AGGF1: variants seen among roughly 807,000 people sequenced by gnomAD.
AGGF1 encodes angiogenic factor with G patch and FHA domains 1.
AGGF1 carries 56 observed loss-of-function variants against 86.5 expected under a neutral mutation model. The ratio of observed to expected loss-of-function variants is 0.65; its 90% confidence interval spans 0.52 to 0.81. The LOEUF is 0.81. AGGF1 is among the 30% of genes least tolerant of loss of function. The pLI, the probability that AGGF1 is intolerant of heterozygous loss-of-function variation, is 0.00. For missense variants in AGGF1, 816 were observed against 850.9 expected (o/e 0.96, Z 0.51); for synonymous variants, 313 against 297.1 (o/e 1.05, Z -0.55).
At chr5:77,053,475 C>T (rs138236763) in intron 9 of AGGF1, among the ~76,000 whole-genome samples, 88 of 152,204 alleles carry the variant, frequency 5.8e-4, no homozygotes, top group African/African-American at 2.0e-3. Context: ...GCCGAGATCA[C>T]GCCATTGCAC....
Position 77,054,081 on chromosome 5 carries a change from A to C in AGGF1, c.1584A>C (p.Pro528=). 6.2e-7 allele frequency: 1 copy of C among 1,614,186 alleles called. No individual in the cohort carries two copies. The highest frequency in any genetic ancestry group is 8.5e-7 in the Non-Finnish European group (1 of 1,180,014). The change falls in exon 10 of 14, where the codon CCA becomes CCC. Residue 528 remains proline (P), a synonymous_variant. Coordinates refer to ENST00000312916, the MANE Select transcript of AGGF1 (RefSeq NM_018046.5). ...GTGATACCTGTGATGGCTGTGAACC[A>C]GGGCAGGTTAGAGCCCACCTTCGCC... ...PGSDTCDGCE[P]GQVRAHLRLD...
chr5:77,037,954 A>G (rs369208589), intron 4 of AGGF1, among the ~76,000 whole-genome samples: 12 of 152,218 alleles, frequency 7.9e-5, no homozygotes, highest in South Asian at 2.1e-4. Flanking sequence ...TTTGATGACA[A>G]TGATAGAACT....
intron 11 of AGGF1, among the ~76,000 whole-genome samples, chr5:77,056,657 G>C (rs1010172066): frequency 6.6e-6 from 1 of 150,770 alleles, no homozygotes; most frequent in South Asian, 2.1e-4. Flanking sequence ...GTGGATCATA[G>C]ATATAAAAGT....
At chr5:77,053,821 A>C (rs553093913) in intron 9 of AGGF1, 144 bp from the exon 10 acceptor site, 37 of 811,382 alleles carry the variant, frequency 4.6e-5, no homozygotes, top group Non-Finnish European at 6.7e-5. Context: ...AAGTGTGTGC[A>C]TGTGTGTATG....
chr5:77,060,752 G>A (rs566888532), intron 12 of AGGF1, among the ~76,000 whole-genome samples: 104 of 152,244 alleles, frequency 6.8e-4, no homozygotes, highest in African/African-American at 2.4e-3. Context: ...TAGAGTTGAT[G>A]GAGTTTGATC....
chr5:77,046,209 G>A (rs1747244210), intron 5 of AGGF1, 138 bp from the exon 6 acceptor site: 2 of 807,228 alleles, frequency 2.5e-6, no homozygotes, highest in African/African-American at 1.7e-5. Context: ...GAGAAGGAGA[G>A]GGGGAACAGA....
At chr5:77,032,713 A>G (rs1580121848) in intron 1 of AGGF1, among the ~76,000 whole-genome samples, 1 of 152,148 alleles carries the variant, frequency 6.6e-6, no homozygotes, top group African/African-American at 2.4e-5. Context: ...TTTTTTGCTA[A>G]TCTTCAGAGA....
At chr5:77,045,736 G>C (rs1747235621) in intron 5 of AGGF1, among the ~76,000 whole-genome samples, 1 of 152,158 alleles carries the variant, frequency 6.6e-6, no homozygotes. Flanking sequence ...AGTTTAAAAA[G>C]AAAATTTAGA....
chr5:77,060,574 T>C (rs918627042), intron 12 of AGGF1, among the ~76,000 whole-genome samples: 1 of 152,208 alleles, frequency 6.6e-6, no homozygotes, highest in African/African-American at 2.4e-5. Flanking sequence ...TGCATTTTTT[T>C]CCTCAGAATA....
chr5:77,036,606 A>G lies in AGGF1; in HGVS notation c.567A>G (p.Ser189=), dbSNP rs1746972804. ...ATEDTSLEGS[S]LAESLRAAAE... ...AAGATACCTCCTTAGAAGGCTCATC[A>G]TTAGCTGAAAGTTTGAGAGCTGCAG... Residue 189 remains serine (S), a synonymous_variant, in exon 4 of 14, where the codon TCA becomes TCG. Coordinates refer to ENST00000312916, the MANE Select transcript of AGGF1 (RefSeq NM_018046.5). 7 of 1,614,168 alleles carry G rather than the reference A, an allele frequency of 4.3e-6. No homozygotes were observed. Among genetic ancestry groups the G allele is most frequent in the Non-Finnish European group, 5.1e-6 (6 of 1,180,030 alleles).
At chr5:77,044,423 G>T (rs1002011712) in intron 5 of AGGF1, among the ~76,000 whole-genome samples, 1 of 152,162 alleles carries the variant, frequency 6.6e-6, no homozygotes, top group African/African-American at 2.4e-5. Flanking sequence ...ATATTTTTGA[G>T]CCTCACTTTT....
chr5:77,045,516 CTT>C (rs780988235), intron 5 of AGGF1, among the ~76,000 whole-genome samples: 2 of 152,090 alleles, frequency 1.3e-5, no homozygotes, highest in African/African-American at 2.4e-5. Flanking sequence ...TAATAAAAGA[CTT>C]ATGCCAGGCA....
At chr5:77,055,061 A>G (rs1322055669) in intron 10 of AGGF1, among the ~76,000 whole-genome samples, 1 of 152,126 alleles carries the variant, frequency 6.6e-6, no homozygotes, top group African/African-American at 2.4e-5. Context: ...TTTTCCCCCT[A>G]AATGCCAAGT....
intron 9 of AGGF1, 75 bp downstream of exon 9, chr5:77,052,882 A>G (rs1747399533): frequency 8.3e-7 from 1 of 1,211,568 alleles, no homozygotes; most frequent in Admixed American, 1.8e-5. Flanking sequence ...GAAGGGCATA[A>G]TCTTTATCAT....
intron 13 of AGGF1, 70 bp from the exon 14 acceptor site, chr5:77,062,982 A>G (rs925529033): frequency 1.3e-6 from 2 of 1,542,562 alleles, no homozygotes; most frequent in African/African-American, 1.4e-5. Context: ...GTAGAGTCCT[A>G]AGTTGGACAC....
At chr5:77,047,035 G>C (rs1747268774) in intron 6 of AGGF1, among the ~76,000 whole-genome samples, 2 of 152,162 alleles carry the variant, frequency 1.3e-5, no homozygotes, top group Admixed American at 1.3e-4. Context: ...TCTTTAAAAA[G>C]TATACATTAT....
At chr5:77,053,433 C>T (rs1471717211) in intron 9 of AGGF1, among the ~76,000 whole-genome samples, 2 of 152,116 alleles carry the variant, frequency 1.3e-5, no homozygotes, top group African/African-American at 2.4e-5. Context: ...GCAGGAGAAT[C>T]GTTTGCACCG....
chr5:77,054,536 A>C (rs1021311450), intron 10 of AGGF1, among the ~76,000 whole-genome samples: 1 of 152,218 alleles, frequency 6.6e-6, no homozygotes, highest in African/African-American at 2.4e-5. Flanking sequence ...AATGTACTTA[A>C]GAGCAGTTGT....
intron 8 of AGGF1, among the ~76,000 whole-genome samples, chr5:77,049,718 C>CT (rs1747335226): frequency 6.6e-6 from 1 of 151,876 alleles, no homozygotes; most frequent in Admixed American, 6.6e-5. Flanking sequence ...CCCAGCTAAT[C>CT]TTTATGTATT....
Sources: allele counts gnomAD v4.1 joint callset (sites outside exome capture counted in the v4.1 genomes callset), GRCh38; gene constraint gnomAD v4.1.1; transcripts MANE v1.5; gene names NCBI Gene and HGNC (gene_info 2026-07-23, HGNC 2026-07-21).